Variants in FPR3 observed in about 807,000 individuals in gnomAD.
The protein encoded by FPR3 is formyl peptide receptor 3.
For missense variants in FPR3, 346 were observed against 443.2 expected, an observed-to-expected ratio of 0.78 and a Z score of 1.97; for synonymous variants, 135 against 163.6, an observed-to-expected ratio of 0.83 and a Z score of 1.34.
chr19:51,824,317 G>A lies in FPR3; in HGVS notation c.569G>A (p.Arg190Lys), dbSNP rs775084738. The A allele has an allele frequency of 9.9e-6, 16 of 1,613,996 alleles. No homozygotes were observed. The highest frequency in any genetic ancestry group is 1.3e-5 in the Non-Finnish European group (15 of 1,180,012). Residue 190 changes from arginine (R) to lysine (K), a missense_variant, in exon 2 of 2, where the codon AGG becomes AAG. Arg to Lys is a conservative substitution (Grantham distance 26). Coordinates refer to ENST00000339223, the MANE Select transcript of FPR3 (RefSeq NM_002030.5). This position sits in a 1 kb window ranked among gnomAD's most constrained non-coding sequence, Gnocchi z 4.7. ...TTCTGGGGTGACACTGCTGTAGAGA[G>A]GTTGAACGTGTTCATTACCATGGCC... The part of the protein sequence containing the change: ...FAFWGDTAVE[R>K]LNVFITMAKV...
At chr19:51,813,921 C>T (rs1179699438) in intron 1 of FPR3, among the ~76,000 whole-genome samples, 12 of 152,152 alleles carry the variant, frequency 7.9e-5, no homozygotes, top group Admixed American at 2.0e-4. Context: ...CTGGAGGGCC[C>T]GTTGATGTGA....
intron 1 of FPR3, among the ~76,000 whole-genome samples, chr19:51,809,505 C>G (rs1451390972): frequency 6.6e-6 from 1 of 152,198 alleles, no homozygotes. Context: ...TTTATTTTCT[C>G]ATTTCTCCTT....
intron 1 of FPR3, among the ~76,000 whole-genome samples, chr19:51,809,289 G>C (rs1599833712): frequency 6.6e-6 from 1 of 152,222 alleles, no homozygotes; most frequent in African/African-American, 2.4e-5. Flanking sequence ...AACACTTTGA[G>C]CTGTTCCTAC....
At chr19:51,802,221 T>C (rs937591597) in intron 1 of FPR3, among the ~76,000 whole-genome samples, 3 of 150,698 alleles carry the variant, frequency 2.0e-5, no homozygotes, top group Non-Finnish European at 4.4e-5. Flanking sequence ...AAAAAATTCG[T>C]AAAAATGCCT....
rs35535525 is a variant in FPR3, at chr19:51,803,596, C to CA, written c.-11+8281dup. Among the ~76,000 whole-genome samples the CA allele has an allele frequency of 4.8e-3, 628 of 132,036 alleles. 5 individuals carry two copies. The highest frequency in any genetic ancestry group is 8.5e-3 in the African/African-American group (306 of 35,830). The allele number at this position is 132,036 out of a possible 152,430, so 86.6% of individuals were successfully genotyped here. A position where few individuals can be genotyped will look rare whatever the true frequency, so the allele number is the denominator to read the frequency against. ...GACTCCTATAAATGCTTTCAATTTC[C>CA]AAAAAAAAAAAAAAAATGTATATTC... On this transcript the variant is annotated intron_variant, in intron 1 of 1. Transcript: ENST00000339223.
chr19:51,809,007 C>T (rs1207790396), intron 1 of FPR3, among the ~76,000 whole-genome samples: 1 of 152,192 alleles, frequency 6.6e-6, no homozygotes, highest in Non-Finnish European at 1.5e-5. Context: ...GAAATCCTGA[C>T]GTCCTAGCCC....
Position 51,810,120 on chromosome 19 carries a change from AAC to A in FPR3, c.-10-13617_-10-13616del, listed in dbSNP as rs148294476. On this transcript the variant is annotated intron_variant, in intron 1 of 1. Transcript: ENST00000339223. ...AAATGTCCAGGTTTTTCACAATTAT[AAC>A]ATTTTCCCACTTTAGGGTTTGACCC... 2.0e-4 allele frequency among the ~76,000 whole-genome samples: 31 copies of A among 152,280 alleles called. No homozygotes were observed. In the East Asian group the frequency reaches 5.4e-3, roughly 27 times the overall value.
At chr19:51,799,775 A>AGT (rs1284550096) in intron 1 of FPR3, among the ~76,000 whole-genome samples, 1 of 152,210 alleles carries the variant, frequency 6.6e-6, no homozygotes, top group Non-Finnish European at 1.5e-5. Context: ...TTCTGGGATC[A>AGT]GGCCCCTGAC....
At chr19:51,821,112 T>A (rs2084185202) in intron 1 of FPR3, among the ~76,000 whole-genome samples, 1 of 152,186 alleles carries the variant, frequency 6.6e-6, no homozygotes, top group Non-Finnish European at 1.5e-5. Flanking sequence ...AGACACTCAG[T>A]CTAGCCTAGA....
chr19:51,801,862 A>G (rs912913004), intron 1 of FPR3, among the ~76,000 whole-genome samples: 5 of 152,212 alleles, frequency 3.3e-5, no homozygotes, highest in African/African-American at 1.2e-4. Context: ...TGAGAAGCTA[A>G]CTAAAATTTT....
At chr19:51,800,231 T>C (rs954954515) in intron 1 of FPR3, among the ~76,000 whole-genome samples, 1 of 152,180 alleles carries the variant, frequency 6.6e-6, no homozygotes, top group Non-Finnish European at 1.5e-5. Context: ...TCACTTCTCG[T>C]TCTCCCAGCC....
At chr19:51,802,073 C>T (rs1032826180) in intron 1 of FPR3, among the ~76,000 whole-genome samples, 3 of 152,014 alleles carry the variant, frequency 2.0e-5, no homozygotes, top group East Asian at 1.9e-4. Flanking sequence ...TAATTTATTA[C>T]GGCCCAATAG....
chr19:51,796,310 G>A lies in FPR3; in HGVS notation c.-11+979G>A, dbSNP rs190882554. 1.5e-3 allele frequency among the ~76,000 whole-genome samples: 234 copies of A among 152,338 alleles called. 1 individual carries two copies. Among genetic ancestry groups the A allele is most frequent in the African/African-American group, 4.9e-3 (202 of 41,580 alleles). On this transcript the variant is annotated intron_variant, in intron 1 of 1. Coordinates refer to ENST00000339223, the MANE Select transcript of FPR3 (RefSeq NM_002030.5). ...GTGGGTGGAGCCCAGTGTGTCTGAT[G>A]AGAGTGCAGAGATGAGGTCTGAGGG...
At chr19:51,799,446 A>G (rs2084017086) in intron 1 of FPR3, among the ~76,000 whole-genome samples, 1 of 152,176 alleles carries the variant, frequency 6.6e-6, no homozygotes, top group Non-Finnish European at 1.5e-5. Context: ...GAAGAGCTTC[A>G]TTTAATACTA....
chr19:51,823,794 C>G lies in FPR3; in HGVS notation c.46C>G (p.Leu16Val), dbSNP rs368542589. The change falls in exon 2 of 2, where the codon CTC becomes GTC. Residue 16 changes from leucine to valine, a missense_variant. Leu to Val is a conservative substitution (Grantham distance 32). Transcript: ENST00000339223. ...SIPLNETEEVLPEPAGHTVLW... is the reference protein window; with the variant it reads ...SIPLNETEEVVPEPAGHTVLW... ...TCCTCTGAATGAAACTGAGGAGGTG[C>G]TCCCTGAGCCTGCTGGCCACACCGT... 1.2e-6 allele frequency: 2 copies of G among 1,610,720 alleles called. No individual in the cohort carries two copies. Among genetic ancestry groups the G allele is most frequent in the Non-Finnish European group, 1.7e-6 (2 of 1,178,330 alleles).
Position 51,824,644 on chromosome 19 carries a change from C to T in FPR3, c.896C>T (p.Pro299Leu). 6.2e-7 allele frequency: 1 copy of T among 1,614,126 alleles called. No homozygotes were observed. The highest frequency in any genetic ancestry group is 8.5e-7 in the Non-Finnish European group (1 of 1,180,024). ...GCCTTTTTTAACAGCTGCCTCAACC[C>T]AATTCTCTACGTCTTTATGGGTCGT... ...SLAFFNSCLNPILYVFMGRNF... is the reference protein window; with the variant it reads ...SLAFFNSCLNLILYVFMGRNF... Residue 299 changes from proline to leucine, a missense_variant, in exon 2 of 2, where the codon CCA becomes CTA. Physicochemically the swap from Pro to Leu is moderately conservative, Grantham distance 98. Coordinates refer to ENST00000339223, the MANE Select transcript of FPR3 (RefSeq NM_002030.5). The surrounding 1 kb of genome is among the most constrained non-coding windows in gnomAD (Gnocchi z 4.7).
intron 1 of FPR3, among the ~76,000 whole-genome samples, chr19:51,804,572 G>A (rs7258819): frequency 0.1 from 15,503 of 152,184 alleles, 1,072 homozygotes; most frequent in Middle Eastern, 0.17. Flanking sequence ...AAAAGGCACT[G>A]ATTTGGTTTT....
At chr19:51,807,178 G>A (rs2084065088) in intron 1 of FPR3, among the ~76,000 whole-genome samples, 1 of 151,590 alleles carries the variant, frequency 6.6e-6, no homozygotes, top group East Asian at 1.9e-4. Flanking sequence ...GCTTTACACA[G>A]CCCTCCGTAT....
chr19:51,799,575 A>G (rs1020512592), intron 1 of FPR3, among the ~76,000 whole-genome samples: 1 of 152,194 alleles, frequency 6.6e-6, no homozygotes, highest in Non-Finnish European at 1.5e-5. Context: ...AGACGGCACT[A>G]CTGCTTGCTG....
Sources: gnomAD v4.1 joint callset for allele counts (sites outside exome capture counted in the v4.1 genomes callset) on GRCh38, gnomAD v4.1.1 for gene constraint, Gnocchi (gnomAD v3.1) non-coding constraint, MANE v1.5 for transcripts, NCBI Gene and HGNC (gene_info 2026-07-23, HGNC 2026-07-21) for gene names.